The following PPP3CA variants were observed in gnomAD, a reference collection of about 807,000 sequenced individuals.
The protein encoded by PPP3CA is CAM-PRP catalytic subunit.
Under a neutral mutation model 66.5 loss-of-function variants are expected in PPP3CA, and 14 were observed. The observed-to-expected ratio is 0.21, with a 90% CI of 0.14 to 0.33. PPP3CA has a LOEUF of 0.33. Ranked by LOEUF, PPP3CA falls within the 10% of genes least tolerant of loss-of-function variation. The pLI, the probability that PPP3CA is intolerant of heterozygous loss-of-function variation, is 1.00. For missense variants in PPP3CA, 317 were observed against 639.5 expected (o/e 0.50, Z 5.44); for synonymous variants, 232 against 226.2 (o/e 1.03, Z -0.23).
chr4:101,296,746 G>A (rs1728212449), intron 1 of PPP3CA, among the ~76,000 whole-genome samples: 2 of 152,182 alleles, frequency 1.3e-5, no homozygotes, highest in Admixed American at 6.5e-5. Context: ...TTACAGACGT[G>A]CAAAAGTTTA....
chr4:101,316,476 C>T (rs1728888447), intron 1 of PPP3CA, among the ~76,000 whole-genome samples: 1 of 152,064 alleles, frequency 6.6e-6, no homozygotes, highest in Non-Finnish European at 1.5e-5. Flanking sequence ...TTCTGTCAGA[C>T]AAACTCGGGT....
chr4:101,328,008 A>G (rs1729258732), intron 1 of PPP3CA, among the ~76,000 whole-genome samples: 1 of 152,216 alleles, frequency 6.6e-6, no homozygotes, highest in African/African-American at 2.4e-5. Flanking sequence ...AAAAGAAAAT[A>G]TGAACCTAAG....
intron 1 of PPP3CA, among the ~76,000 whole-genome samples, chr4:101,279,039 C>T (rs1238310940): frequency 1.3e-5 from 2 of 152,170 alleles, no homozygotes; most frequent in African/African-American, 4.8e-5. Flanking sequence ...TTGCATCAGA[C>T]TTAGAAGCAT....
chr4:101,055,500 G>T (rs1728187976), intron 10 of PPP3CA, among the ~76,000 whole-genome samples: 1 of 152,106 alleles, frequency 6.6e-6, no homozygotes, highest in African/African-American at 2.4e-5. Flanking sequence ...GCATTAAACT[G>T]CTTCCAAACT....
At chr4:101,268,172 TA>T (rs1185297041) in intron 1 of PPP3CA, among the ~76,000 whole-genome samples, 1 of 151,962 alleles carries the variant, frequency 6.6e-6, no homozygotes, top group Non-Finnish European at 1.5e-5. Flanking sequence ...ATCCACTCTC[TA>T]AAAAACATAA....
chr4:101,339,719 A>G (rs923866354), intron 1 of PPP3CA, among the ~76,000 whole-genome samples: 1 of 152,238 alleles, frequency 6.6e-6, no homozygotes, highest in African/African-American at 2.4e-5. Flanking sequence ...CAGTGCATTT[A>G]ATAAGCAAGG....
chr4:101,176,122 G>C (rs1352637446), intron 2 of PPP3CA, among the ~76,000 whole-genome samples: 2 of 152,098 alleles, frequency 1.3e-5, no homozygotes, highest in Non-Finnish European at 2.9e-5. Flanking sequence ...TAAGAAAGCA[G>C]AAGTGAGCTC....
intron 6 of PPP3CA, among the ~76,000 whole-genome samples, chr4:101,087,808 A>G (rs1578433903): frequency 6.6e-6 from 1 of 152,292 alleles, no homozygotes; most frequent in South Asian, 2.1e-4. Flanking sequence ...AGGATATAAA[A>G]TAGGGGCTGA....
At chr4:101,092,063 T>C (rs1367337267) in intron 6 of PPP3CA, among the ~76,000 whole-genome samples, 1 of 152,018 alleles carries the variant, frequency 6.6e-6, no homozygotes, top group African/African-American at 2.4e-5. Context: ...GGTGACACGA[T>C]AGGAAGACAG....
At chr4:101,033,295 C>CAA (rs1727090670) in intron 11 of PPP3CA, among the ~76,000 whole-genome samples, 1 of 34,946 alleles carries the variant, frequency 2.9e-5, no homozygotes, top group Non-Finnish European at 6.2e-5. Flanking sequence ...CACACACAAA[C>CAA]ACACACACAC....
chr4:101,180,821 G>A (rs1724212608), intron 2 of PPP3CA, among the ~76,000 whole-genome samples: 1 of 152,158 alleles, frequency 6.6e-6, no homozygotes, highest in South Asian at 2.1e-4. Context: ...AACACTTGTG[G>A]CCAGGAGTTC....
At chr4:101,049,919 C>T (rs566943549) in intron 10 of PPP3CA, among the ~76,000 whole-genome samples, 3 of 152,172 alleles carry the variant, frequency 2.0e-5, no homozygotes, top group African/African-American at 7.2e-5. Context: ...GAGGCACTGG[C>T]ATCTAATGAG....
chr4:101,039,114 G>C (rs1488518334), intron 11 of PPP3CA, among the ~76,000 whole-genome samples: 1 of 132,126 alleles, frequency 7.6e-6, no homozygotes, highest in Non-Finnish European at 1.7e-5. Flanking sequence ...TGTCCCCACA[G>C]AACATTTTTC....
intron 2 of PPP3CA, among the ~76,000 whole-genome samples, chr4:101,120,968 T>G (rs1722008210): frequency 6.6e-6 from 1 of 152,256 alleles, no homozygotes; most frequent in African/African-American, 2.4e-5. Flanking sequence ...AAGGAAACTA[T>G]GCAAAAATCA....
At chr4:101,047,990 A>C (rs1391292519) in intron 10 of PPP3CA, among the ~76,000 whole-genome samples, 1 of 152,104 alleles carries the variant, frequency 6.6e-6, no homozygotes, top group Non-Finnish European at 1.5e-5. Context: ...GCATCTCTTT[A>C]ATGATAAAGA....
chr4:101,133,876 T>C (rs1722529508), intron 2 of PPP3CA, among the ~76,000 whole-genome samples: 1 of 152,158 alleles, frequency 6.6e-6, no homozygotes, highest in Non-Finnish European at 1.5e-5. Flanking sequence ...CAAAACAGCA[T>C]GGTACTGGTA....
chr4:101,147,398 CT>C (rs1247590388), intron 2 of PPP3CA, among the ~76,000 whole-genome samples: 2 of 152,086 alleles, frequency 1.3e-5, no homozygotes, highest in Non-Finnish European at 2.9e-5. Context: ...TGAGAGTTTG[CT>C]GGCTTGCTGT....
intron 13 of PPP3CA, among the ~76,000 whole-genome samples, chr4:101,026,946 C>T (rs1031849327): frequency 1.3e-5 from 2 of 152,112 alleles, no homozygotes; most frequent in African/African-American, 4.8e-5. Context: ...TGGTTTTGGT[C>T]CTATTCAATT....
chr4:101,195,198 G>T (rs1724746881), intron 2 of PPP3CA, among the ~76,000 whole-genome samples: 1 of 151,494 alleles, frequency 6.6e-6, no homozygotes, highest in South Asian at 2.1e-4. Context: ...AACCCAGGAG[G>T]TGGAGGATGC....
Sources: gnomAD v4.1 joint callset for allele counts (sites outside exome capture counted in the v4.1 genomes callset) on GRCh38, gnomAD v4.1.1 for gene constraint, MANE v1.5 for transcripts, NCBI Gene and HGNC (gene_info 2026-07-23, HGNC 2026-07-21) for gene names.